The following KCTD3 variants were observed in gnomAD, a reference collection of about 807,000 sequenced individuals.
KCTD3 encodes potassium channel tetramerization domain containing 3, also known as BTB/POZ domain-containing protein KCTD3.
Under a neutral mutation model 85.8 loss-of-function variants are expected in KCTD3, and 41 were observed. The observed-to-expected ratio is 0.48, with a 90% CI of 0.37 to 0.62. The LOEUF is 0.62. Ranked by LOEUF, KCTD3 falls within the 20% of genes least tolerant of loss-of-function variation. The pLI is 0.00. For synonymous variants in KCTD3, 338 were observed against 345.4 expected (o/e 0.98, Z 0.24); for missense variants, 724 against 989.9 (o/e 0.73, Z 3.60).
intron 15 of KCTD3, among the ~76,000 whole-genome samples, chr1:215,613,335 C>T (rs951901393): frequency 2.6e-5 from 4 of 152,084 alleles, no homozygotes; most frequent in Non-Finnish European, 4.4e-5. Flanking sequence ...GTGTCGTTTG[C>T]CCACTTTCTA....
At chr1:215,603,245 A>G (rs1654900179) in intron 12 of KCTD3, among the ~76,000 whole-genome samples, 1 of 152,144 alleles carries the variant, frequency 6.6e-6, no homozygotes, top group African/African-American at 2.4e-5. Context: ...ATTTTAAGGC[A>G]TGAAAAATGG....
At chr1:215,614,426 C>G (rs1022512347) in intron 15 of KCTD3, among the ~76,000 whole-genome samples, 2 of 152,170 alleles carry the variant, frequency 1.3e-5, no homozygotes, top group Non-Finnish European at 2.9e-5. Context: ...GCCATTTTAA[C>G]AATATTAATT....
In KCTD3 at chr1:215,620,147, A is replaced by T; in HGVS notation, c.1977A>T (p.Ala659=). The T allele has an allele frequency of 6.2e-7, 1 of 1,613,782 alleles. No individual in the cohort carries two copies. Among genetic ancestry groups the T allele is most frequent in the Non-Finnish European group, 8.5e-7 (1 of 1,179,736 alleles). ...PYRESPLLAR[A]RRTESFHSYR... The stretch of plus-strand genomic sequence containing the variant: ...GAGAAAGTCCTTTATTAGCAAGGGC[A>T]AGAAGGACTGAGAGCTTTCACAGTT... Residue 659 remains alanine, a synonymous_variant, in exon 18 of 18, where the codon GCA becomes GCT. Transcript: ENST00000259154.
At chr1:215,604,371 C>T (rs1286729227) in intron 13 of KCTD3, 69 bp downstream of exon 13, 15 of 1,251,768 alleles carry the variant, frequency 1.2e-5, no homozygotes, top group Admixed American at 9.9e-5. Flanking sequence ...AGAATGAAAA[C>T]GCAGTGTTTA....
Position 215,579,116 on chromosome 1 carries a change from G to A in KCTD3, c.514G>A (p.Gly172Arg). Residue 172 changes from glycine (G) to arginine (R), a missense_variant, in exon 7 of 18, where the codon GGA becomes AGA. This residue lies in a region of KCTD3 where 106 missense variants were observed against 98.2 expected (regional missense o/e 1.08). Transcript: ENST00000259154. ...TACACAGCCTGTTCTCTCTGGAACGGGAGAAGAAACTGTTAGGCTAGGTAA... is the reference window on the plus strand; with the variant it reads ...TACACAGCCTGTTCTCTCTGGAACGAGAGAAGAAACTGTTAGGCTAGGTAA... ...NGTQPVLSGT[G>R]EETVRLGFPV... 2.5e-6 allele frequency: 4 copies of A among 1,609,818 alleles called. No homozygotes were observed. Among genetic ancestry groups the A allele is most frequent in the Non-Finnish European group, 3.4e-6 (4 of 1,178,318 alleles).
At chr1:215,581,738 T>C (rs1659832635) in intron 8 of KCTD3, among the ~76,000 whole-genome samples, 1 of 152,250 alleles carries the variant, frequency 6.6e-6, no homozygotes, top group Non-Finnish European at 1.5e-5. Flanking sequence ...TATACTCATG[T>C]AAAGTGACGA....
chr1:215,585,924 A>G (rs1265192736), intron 8 of KCTD3, among the ~76,000 whole-genome samples: 3 of 152,140 alleles, frequency 2.0e-5, no homozygotes, highest in Non-Finnish European at 1.5e-5. Context: ...CCTTTTTTAT[A>G]TAATAGTGCT....
Position 215,576,113 on chromosome 1 carries a change from T to A in KCTD3, c.257+139T>A, listed in dbSNP as rs2102556056. 5.1e-6 allele frequency: 3 copies of A among 592,054 alleles called. No homozygotes were observed. The East Asian group carries it at 9.4e-5, about 19-fold the overall frequency. 36.7% of individuals were successfully genotyped at this position (592,054 alleles called of 1,614,324 possible). ...TCTTGCTCTGTTGCCCAGGCTGGAGTGCAGGAGTGCAGTGGCATGATCTCT... is the reference window on the plus strand; with the variant it reads ...TCTTGCTCTGTTGCCCAGGCTGGAGAGCAGGAGTGCAGTGGCATGATCTCT... On this transcript the variant is annotated intron_variant, in intron 4 of 17. Transcript: ENST00000259154.
intron 7 of KCTD3, 108 bp downstream of exon 7, chr1:215,579,245 C>T (rs1232425063): frequency 1.3e-6 from 1 of 777,962 alleles, no homozygotes; most frequent in African/African-American, 1.8e-5. Flanking sequence ...CTTTTTTATC[C>T]AGATTTATCA....
intron 9 of KCTD3, among the ~76,000 whole-genome samples, chr1:215,587,846 A>C (rs917119613): frequency 1.3e-5 from 2 of 152,176 alleles, no homozygotes; most frequent in Non-Finnish European, 2.9e-5. Flanking sequence ...CTTTGAGTGG[A>C]TCTTTTATCA....
At chr1:215,580,785 C>G (rs1227276966) in intron 8 of KCTD3, among the ~76,000 whole-genome samples, 1 of 151,850 alleles carries the variant, frequency 6.6e-6, no homozygotes, top group Non-Finnish European at 1.5e-5. Context: ...TCACAATAAG[C>G]TGAAAAATAT....
In KCTD3 at chr1:215,573,770, TG is replaced by T; in HGVS notation, c.84-15del. The T allele has an allele frequency of 6.6e-7, 1 of 1,506,788 alleles. No individual in the cohort carries two copies. The highest frequency in any genetic ancestry group is 9.1e-7 in the Non-Finnish European group (1 of 1,098,946). 93.3% of individuals were successfully genotyped at this position (1,506,788 alleles called of 1,614,324 possible). A position where few individuals can be genotyped will look rare whatever the true frequency, so the allele number is the denominator to read the frequency against. ...TCATGTTCTCACTTATAATACCAGA[TG>T]ATTTTTAATTGCAGATTTAGTACCT... On this transcript the variant is annotated splice_polypyrimidine_tract_variant and intron_variant, in intron 1 of 17. Transcript: ENST00000259154.
intron 8 of KCTD3, chr1:215,580,878 GT>G: frequency 2.6e-6 from 1 of 386,756 alleles, no homozygotes. Flanking sequence ...TTTATGAAAG[GT>G]TTGGCATGTC....
Position 215,602,663 on chromosome 1 carries a change from G to C in KCTD3, c.1138+462G>C, listed in dbSNP as rs3767256. Among the ~76,000 whole-genome samples the C allele has an allele frequency of 6.0e-3, 907 of 152,122 alleles. 21 individuals carry two copies. The South Asian group carries it at 0.067, about 11-fold the overall frequency. On this transcript the variant is annotated intron_variant, in intron 12 of 17. Coordinates refer to ENST00000259154, the MANE Select transcript of KCTD3 (RefSeq NM_016121.5). ...TTTATAACTTTCAGTGCATTTTAGA[G>C]GCCATTGCAATAAAAGTAACAGACT...
intron 4 of KCTD3, among the ~76,000 whole-genome samples, chr1:215,577,439 G>T (rs1302763914): frequency 6.6e-6 from 1 of 151,874 alleles, no homozygotes; most frequent in Non-Finnish European, 1.5e-5. Context: ...TCATATATAT[G>T]TATATATATG....
chr1:215,612,896 C>T (rs1655281542), intron 15 of KCTD3, among the ~76,000 whole-genome samples: 1 of 152,106 alleles, frequency 6.6e-6, no homozygotes, highest in South Asian at 2.1e-4. Context: ...TTTGCTTCAA[C>T]ATTCCTCTGC....
chr1:215,619,812 C>G (rs758580953), intron 17 of KCTD3, among the ~76,000 whole-genome samples: 1 of 151,750 alleles, frequency 6.6e-6, no homozygotes, highest in African/African-American at 2.4e-5. Flanking sequence ...TTCCTCCCAT[C>G]TTTTTTTTAG....
chr1:215,616,324 T>A (rs569092698), intron 15 of KCTD3, among the ~76,000 whole-genome samples: 5 of 152,162 alleles, frequency 3.3e-5, no homozygotes, highest in South Asian at 2.1e-4. Flanking sequence ...ATTATGATCA[T>A]CTTGATAAAT....
chr1:215,616,154 A>C (rs1396430417), intron 15 of KCTD3, among the ~76,000 whole-genome samples: 1 of 152,200 alleles, frequency 6.6e-6, no homozygotes, highest in Non-Finnish European at 1.5e-5. Flanking sequence ...GGTCAGAGAG[A>C]AACTTTGCTT....
Sources: allele counts gnomAD v4.1 joint callset (sites outside exome capture counted in the v4.1 genomes callset), GRCh38; gene constraint gnomAD v4.1.1; regional missense constraint gnomAD v4.1.1; transcripts MANE v1.5; gene names NCBI Gene and HGNC (gene_info 2026-07-23, HGNC 2026-07-21).